TRAK1: variants seen among roughly 807,000 people sequenced by gnomAD.
The protein encoded by TRAK1 is trafficking kinesin protein 1.
TRAK1 carries 33 observed loss-of-function variants against 92.1 expected under a neutral mutation model. That is an observed-to-expected ratio of 0.36 (90% confidence interval 0.27 to 0.48). The LOEUF is 0.48. Among genes scored for constraint, TRAK1 ranks in the 20% least tolerant of loss-of-function variants. The probability of loss-of-function intolerance (pLI) is 0.99; values close to 1 mark genes in which losing one functional copy is unlikely to be tolerated. For missense variants in TRAK1, 1,123 were observed against 1,257.9 expected, an observed-to-expected ratio of 0.89 and a Z score of 1.62; for synonymous variants, 521 against 517.3, an observed-to-expected ratio of 1.01 and a Z score of -0.10.
chr3:42,166,136 G>A (rs774918233), intron 2 of TRAK1, among the ~76,000 whole-genome samples: 3 of 152,034 alleles, frequency 2.0e-5, no homozygotes, highest in Admixed American at 6.6e-5. Flanking sequence ...TTCCTCGAGG[G>A]TACGATTCAT....
At chr3:42,109,137 A>T (rs1707993235) in intron 1 of TRAK1, among the ~76,000 whole-genome samples, 1 of 152,172 alleles carries the variant, frequency 6.6e-6, no homozygotes, top group African/African-American at 2.4e-5. Context: ...TAGTGTATTC[A>T]TTCTTATGTC....
intron 9 of TRAK1, 147 bp downstream of exon 9, chr3:42,194,045 T>G: frequency 2.5e-6 from 2 of 789,432 alleles, no homozygotes; most frequent in Non-Finnish European, 4.0e-6. Flanking sequence ...GTAAACCCAG[T>G]TGCACCTTGG....
At chr3:42,149,358 C>A in intron 2 of TRAK1, 1 of 1,435,452 alleles carries the variant, frequency 7.0e-7, no homozygotes, top group South Asian at 1.5e-5. Context: ...TTTTTCTTTT[C>A]ATTGCCCACT....
chr3:42,186,389 C>G (rs559116074), intron 4 of TRAK1, among the ~76,000 whole-genome samples: 1 of 152,140 alleles, frequency 6.6e-6, no homozygotes, highest in East Asian at 1.9e-4. Flanking sequence ...ATTCCCAGTA[C>G]ATTGTTGTCT....
intron 2 of TRAK1, among the ~76,000 whole-genome samples, chr3:42,167,051 A>C (rs910722969): frequency 5.3e-5 from 8 of 152,248 alleles, no homozygotes; most frequent in Non-Finnish European, 1.2e-4. Context: ...GCGTAGTCCT[A>C]GGCCAGAAGC....
intron 14 of TRAK1, chr3:42,212,151 C>A: frequency 4.1e-6 from 4 of 985,436 alleles, no homozygotes; most frequent in Non-Finnish European, 4.8e-6. Flanking sequence ...CCAAGTAGCT[C>A]TATGCCTGCA....
intron 2 of TRAK1, among the ~76,000 whole-genome samples, chr3:42,162,474 G>C (rs1701380121): frequency 6.6e-6 from 1 of 152,074 alleles, no homozygotes. Context: ...CCGAGAATGT[G>C]TCCTGAAGTA....
At chr3:42,198,867 G>A (rs960309574) in intron 10 of TRAK1, among the ~76,000 whole-genome samples, 1 of 151,950 alleles carries the variant, frequency 6.6e-6, no homozygotes, top group Admixed American at 6.6e-5. Flanking sequence ...ATCCCATCTC[G>A]TAGCCATGGT....
At chr3:42,030,362 T>TAAAA (rs778274238) in intron 1 of TRAK1, among the ~76,000 whole-genome samples, 14,985 of 130,100 alleles carry the variant, frequency 0.12, 1,167 homozygotes, top group Non-Finnish European at 0.15. Flanking sequence ...ACCCTGTCTC[T>TAAAA]AAAAAAAAAA....
chr3:42,220,373 CAG>C lies in TRAK1; in HGVS notation c.2066+780_2066+781del, dbSNP rs550948898. Reference sequence around the variant, plus strand: ...CAAAAGAGAAAATGCTCTCCCCTAACAGAGTAGAACGACCCCCTCAGCTGTTT... The same window carrying C: ...CAAAAGAGAAAATGCTCTCCCCTAACAGTAGAACGACCCCCTCAGCTGTTT... On this transcript the variant is annotated intron_variant, in intron 15 of 15. Coordinates refer to ENST00000327628, the MANE Select transcript of TRAK1 (RefSeq NM_001042646.3). 9.3e-3 allele frequency: 5,758 copies of C among 617,642 alleles called. 36 individuals carry two copies. Among genetic ancestry groups the C allele is most frequent in the Middle Eastern group, 0.012 (14 of 1,174 alleles). The allele number at this position is 617,642 out of a possible 1,614,324, so 38.3% of individuals were successfully genotyped here.
chr3:42,161,652 T>TAA (rs1398869590), intron 2 of TRAK1, among the ~76,000 whole-genome samples: 1 of 152,254 alleles, frequency 6.6e-6, no homozygotes, highest in Non-Finnish European at 1.5e-5. Context: ...GAAAGTATTT[T>TAA]TCTTTTGAAG....
intron 2 of TRAK1, among the ~76,000 whole-genome samples, chr3:42,152,588 A>G (rs1576647631): frequency 6.6e-6 from 1 of 152,300 alleles, no homozygotes; most frequent in African/African-American, 2.4e-5. Context: ...TCTTTACATC[A>G]CGTGTGTTTG....
chr3:42,050,265 T>C (rs947444241), intron 1 of TRAK1, among the ~76,000 whole-genome samples: 2 of 152,202 alleles, frequency 1.3e-5, no homozygotes, highest in African/African-American at 2.4e-5. Flanking sequence ...CATTTGTGCC[T>C]GGTGTTCCAG....
At chr3:42,188,223 C>T in intron 5 of TRAK1, 78 bp downstream of exon 5, 2 of 1,367,136 alleles carry the variant, frequency 1.5e-6, no homozygotes, top group Non-Finnish European at 2.1e-6. Flanking sequence ...GTCACCTAGA[C>T]AGGGTCACCT....
rs796760842 is a variant in TRAK1, at chr3:42,103,033, G to C, written c.91+11473G>C. Among the ~76,000 whole-genome samples the C allele has an allele frequency of 3.3e-5, 5 of 152,072 alleles. No individual in the cohort carries two copies. In the South Asian group the frequency reaches 1.0e-3, roughly 32 times the overall value. ...TAATTTAGTGGTTTTTAGTATGTTCGTGGGGTTGTGCAATTATCACCAGTT... is the reference window on the plus strand; with the variant it reads ...TAATTTAGTGGTTTTTAGTATGTTCCTGGGGTTGTGCAATTATCACCAGTT... On this transcript the variant is annotated intron_variant, in intron 1 of 15. Transcript: ENST00000327628.
intron 1 of TRAK1, among the ~76,000 whole-genome samples, chr3:42,015,758 C>T (rs902905172): frequency 2.6e-5 from 4 of 152,050 alleles, no homozygotes; most frequent in Non-Finnish European, 4.4e-5. Context: ...AGCTTTGGGC[C>T]GGGCATGGTG....
At chr3:42,076,648 C>G (rs1029806505) in intron 1 of TRAK1, among the ~76,000 whole-genome samples, 1 of 152,118 alleles carries the variant, frequency 6.6e-6, no homozygotes, top group Non-Finnish European at 1.5e-5. Flanking sequence ...ATCCCACTTA[C>G]CAATTTTTGT....
intron 2 of TRAK1, among the ~76,000 whole-genome samples, chr3:42,127,719 G>A (rs1186420738): frequency 6.6e-6 from 1 of 152,080 alleles, no homozygotes; most frequent in African/African-American, 2.4e-5. Context: ...CCATCCATGG[G>A]CAACACCACA....
intron 4 of TRAK1, among the ~76,000 whole-genome samples, chr3:42,187,327 A>G (rs1014692822): frequency 6.6e-6 from 1 of 152,128 alleles, no homozygotes; most frequent in Non-Finnish European, 1.5e-5. Context: ...CCCTATTTGG[A>G]GTTGGGATTT....
Sources: gnomAD v4.1 joint callset for allele counts (sites outside exome capture counted in the v4.1 genomes callset) on GRCh38, gnomAD v4.1.1 for gene constraint, MANE v1.5 for transcripts, NCBI Gene and HGNC (gene_info 2026-07-23, HGNC 2026-07-21) for gene names.